LAMB4: variants seen among roughly 807,000 people sequenced by gnomAD.
LAMB4 encodes laminin subunit beta 4.
Under a neutral mutation model 199.2 loss-of-function variants are expected in LAMB4, and 196 were observed. The ratio of observed to expected loss-of-function variants is 0.98; its 90% confidence interval spans 0.88 to 1.11. The LOEUF (loss-of-function observed/expected upper bound fraction) is 1.11. Ranked by LOEUF, LAMB4 falls within the 50% of genes least tolerant of loss-of-function variation. LAMB4 has a pLI of 0.00. For synonymous variants in LAMB4, 744 were observed against 770.6 expected, an observed-to-expected ratio of 0.97 and a Z score of 0.57; for missense variants, 2,080 against 2,171.2, an observed-to-expected ratio of 0.96 and a Z score of 0.83.
intron 3 of LAMB4, among the ~76,000 whole-genome samples, chr7:108,115,752 G>T (rs2038381063): frequency 6.6e-6 from 1 of 152,182 alleles, no homozygotes; most frequent in Non-Finnish European, 1.5e-5. Flanking sequence ...GTACATGGGA[G>T]GATATAGGTA....
At position 108,043,576 on chromosome 7, in the gene LAMB4, T is replaced by G. The variant is rs2035505613; in HGVS notation, c.4471+176A>C. Reference sequence around the variant, plus strand: ...TTTTTTTTTTTTTTTTTTTTTTTTTTTTTTTTTTTTTTTTTTTTTTTGAGA... The same window carrying G: ...TTTTTTTTTTTTTTTTTTTTTTTTTGTTTTTTTTTTTTTTTTTTTTTGAGA... On this transcript the variant is annotated intron_variant, in intron 29 of 33. Coordinates refer to ENST00000388781, the MANE Select transcript of LAMB4 (RefSeq NM_007356.3). Among the ~76,000 whole-genome samples, 3 of 44,860 alleles carry G rather than the reference T, an allele frequency of 6.7e-5. 1 individual carries two copies. The highest frequency in any genetic ancestry group is 9.3e-4 in the African/African-American group (2 of 2,160). The allele number at this position is 44,860 out of a possible 152,430, so 29.4% of individuals were successfully genotyped here.
downstream of LAMB4, among the ~76,000 whole-genome samples, chr7:108,019,206 C>T (rs1021191845): frequency 1.3e-5 from 2 of 152,178 alleles, no homozygotes; most frequent in South Asian, 4.1e-4. Flanking sequence ...TTCCAGGAGG[C>T]TCTAAGGAAG....
chr7:108,111,554 G>A (rs2038224813), intron 4 of LAMB4, among the ~76,000 whole-genome samples: 1 of 152,186 alleles, frequency 6.6e-6, no homozygotes, highest in Admixed American at 6.5e-5. Flanking sequence ...AGGATGCAGA[G>A]ATATTTTCTT....
intron 33 of LAMB4, 102 bp from the exon 34 acceptor site, chr7:108,024,280 T>C (rs894918971): frequency 1.9e-5 from 11 of 570,332 alleles, no homozygotes; most frequent in African/African-American, 1.8e-4. Context: ...CTCTCAAAGA[T>C]ATATTTAGTT....
At chr7:108,015,511 C>G in the LAMB4 span, among the ~76,000 whole-genome samples, 1 of 152,110 alleles carries the variant, frequency 6.6e-6, no homozygotes, top group Non-Finnish European at 1.5e-5. Context: ...AGGTAGTAAT[C>G]TGGATTTCTG....
At chr7:108,111,235 G>T (rs933639344) in intron 4 of LAMB4, among the ~76,000 whole-genome samples, 2 of 152,174 alleles carry the variant, frequency 1.3e-5, no homozygotes, top group Non-Finnish European at 2.9e-5. Flanking sequence ...TTTATAGCGA[G>T]CATCTAGGAA....
intron 19 of LAMB4, 74 bp downstream of exon 19, chr7:108,067,942 C>T (rs146444730): frequency 3.8e-6 from 6 of 1,582,638 alleles, no homozygotes; most frequent in East Asian, 2.2e-5. Flanking sequence ...TAAAACCCCC[C>T]TCCATGACTT....
intron 32 of LAMB4, 37 bp downstream of exon 32, chr7:108,030,769 C>T (rs1356802918): frequency 6.3e-7 from 1 of 1,592,638 alleles, no homozygotes; most frequent in Non-Finnish European, 8.6e-7. Context: ...AGAAGCCCTG[C>T]TTTTCTGCTC....
At chr7:108,026,830 G>A (rs1485616157) in intron 33 of LAMB4, 1 of 506,642 alleles carries the variant, frequency 2.0e-6, no homozygotes, top group Non-Finnish European at 3.9e-6. Flanking sequence ...ACAGCCTTGT[G>A]GTTCCGCCCC....
At chr7:108,046,236 ATTTTTT>A (rs559845089) in intron 28 of LAMB4, among the ~76,000 whole-genome samples, 4 of 132,856 alleles carry the variant, frequency 3.0e-5, no homozygotes, top group Non-Finnish European at 4.9e-5. Flanking sequence ...TCCTGGCTAA[ATTTTTT>A]TTTTTTTTTT....
At chr7:108,015,748 CTTTTTT>C in the LAMB4 span, among the ~76,000 whole-genome samples, 9 of 123,486 alleles carry the variant, frequency 7.3e-5, no homozygotes, top group African/African-American at 1.4e-4. Context: ...GTTTTGAAGA[CTTTTTT>C]TTTTTTTTTT....
intron 17 of LAMB4, among the ~76,000 whole-genome samples, chr7:108,071,634 T>C (rs1208663907): frequency 6.6e-6 from 1 of 152,220 alleles, no homozygotes; most frequent in Non-Finnish European, 1.5e-5. Flanking sequence ...GCCTCTTTGC[T>C]ATCAACACTT....
rs138935535 is a variant in LAMB4 at position 108,050,773 on chromosome 7, T to C, written c.3917-1242A>G. On this transcript the variant is annotated intron_variant, in intron 26 of 33. Transcript: ENST00000388781. ...TGCTTGGAATTAGTTTCTTCTTTCATTTTTATGGCAGATTTTCTCCTACCC... is the reference window on the plus strand; with the variant it reads ...TGCTTGGAATTAGTTTCTTCTTTCACTTTTATGGCAGATTTTCTCCTACCC... 1.5e-3 allele frequency among the ~76,000 whole-genome samples: 226 copies of C among 152,326 alleles called. 2 individuals carry two copies. The highest frequency in any genetic ancestry group is 5.2e-3 in the African/African-American group (218 of 41,582).
intron 22 of LAMB4, 140 bp from the exon 23 acceptor site, chr7:108,063,134 T>A: frequency 2.0e-6 from 1 of 508,756 alleles, no homozygotes; most frequent in Non-Finnish European, 3.4e-6. Flanking sequence ...TAGTAAAGAA[T>A]TTACCAAAGA....
At chr7:108,116,933 A>G (rs1334646461) in intron 2 of LAMB4, among the ~76,000 whole-genome samples, 1 of 152,208 alleles carries the variant, frequency 6.6e-6, no homozygotes, top group Non-Finnish European at 1.5e-5. Flanking sequence ...GCTACTCAGG[A>G]AGCTGAGGCG....
chr7:108,075,598 A>G (rs1315941273), intron 17 of LAMB4: 1 of 152,204 alleles, frequency 6.6e-6, no homozygotes, highest in Admixed American at 6.5e-5. Context: ...AATCCCACAC[A>G]ATTCTATATA....
chr7:108,025,794 A>C (rs895582144), intron 33 of LAMB4, among the ~76,000 whole-genome samples: 1 of 152,174 alleles, frequency 6.6e-6, no homozygotes, highest in Non-Finnish European at 1.5e-5. Flanking sequence ...TATTTGGACT[A>C]AAGGAATAAT....
chr7:108,031,331 C>CAAAAAAAAAAAAAAAAAAAAAAAAA (rs60572529), intron 31 of LAMB4, among the ~76,000 whole-genome samples: 1 of 14,936 alleles, frequency 6.7e-5, no homozygotes, highest in Non-Finnish European at 1.2e-4. Context: ...TCAACAATAA[C>CAAAAAAAAAAAAAAAAAAAAAAAAA]AAAAAAAAAA....
chr7:108,087,176 T>C (rs1289840158), intron 14 of LAMB4, among the ~76,000 whole-genome samples: 1 of 152,180 alleles, frequency 6.6e-6, no homozygotes, highest in East Asian at 1.9e-4. Context: ...TAATCTGAAG[T>C]CCATATCATG....
Sources: gnomAD v4.1 joint callset for allele counts (sites outside exome capture counted in the v4.1 genomes callset) on GRCh38, gnomAD v4.1.1 for gene constraint, MANE v1.5 for transcripts, NCBI Gene and HGNC (gene_info 2026-07-23, HGNC 2026-07-21) for gene names.